Variants in FAAH observed in about 807,000 individuals in gnomAD.
FAAH encodes the protein fatty-acid amide hydrolase 1.
Under a neutral mutation model 69.7 loss-of-function variants are expected in FAAH, and 63 were observed. The observed-to-expected ratio is 0.90, with a 90% CI of 0.74 to 1.12. The LOEUF is 1.12. FAAH is among the 50% of genes most tolerant of loss of function. The pLI is 0.00. For missense variants in FAAH, 680 were observed against 755.0 expected (o/e 0.90, Z 1.16); for synonymous variants, 305 against 324.2 (o/e 0.94, Z 0.64).
chr1:46,405,703 C>A lies in FAAH; in HGVS notation c.694C>A (p.Leu232Met). The A allele has an allele frequency of 1.2e-6, 2 of 1,613,600 alleles. No individual in the cohort carries two copies. Among genetic ancestry groups the A allele is most frequent in the African/African-American group, 1.3e-5 (1 of 75,070 alleles). The change falls in exon 5 of 15, where the codon CTG (leucine) becomes ATG (methionine). Residue 232 changes from leucine (L) to methionine (M), a missense_variant. Coordinates refer to ENST00000243167, the MANE Select transcript of FAAH (RefSeq NM_001441.3). The surrounding 1 kb of genome is among the most constrained non-coding windows in gnomAD (Gnocchi z 4.1). ...CCTCATCGGGTCTGGAGGCTCCCCC[C>A]TGGGCTTAGGCACTGATATCGGAGG... ...GALIGSGGSP[L>M]GLGTDIGGSI...
At position 46,410,399 on chromosome 1, in the gene FAAH, A is replaced by G. The variant is rs902695411; in HGVS notation, c.1177A>G (p.Lys393Glu). Reference sequence around the variant, plus strand: ...TGGACCGAGCATTTTGTTTCCCAGCAAAGGTGATTTCGTGGACCCCTGCCT... The same window carrying G: ...TGGACCGAGCATTTTGTTTCCCAGCGAAGGTGATTTCGTGGACCCCTGCCT... Reference protein sequence around the residue: ...DGGHTFLQNFKGDFVDPCLGD... With the variant: ...DGGHTFLQNFEGDFVDPCLGD... Residue 393 changes from lysine (K) to glutamate (E), a missense_variant and splice_region_variant, in exon 10 of 15, where the codon AAA becomes GAA. By Grantham distance (56) the Lys-to-Glu change is moderately conservative. Coordinates refer to ENST00000243167, the MANE Select transcript of FAAH (RefSeq NM_001441.3). The surrounding 1 kb of genome is among the most constrained non-coding windows in gnomAD (Gnocchi z 4.9). The G allele has an allele frequency of 6.2e-7, 1 of 1,613,798 alleles. No individual in the cohort carries two copies. The highest frequency in any genetic ancestry group is 8.5e-7 in the Non-Finnish European group (1 of 1,179,816).
intron 13 of FAAH, 91 bp from the exon 14 acceptor site, chr1:46,412,984 A>T: frequency 6.8e-7 from 1 of 1,473,326 alleles, no homozygotes; most frequent in Middle Eastern, 1.7e-4. Flanking sequence ...CTGTAGACAC[A>T]GGGTGCCATT....
intron 13 of FAAH, 70 bp downstream of exon 13, chr1:46,412,321 G>A: frequency 2.3e-6 from 3 of 1,322,380 alleles, no homozygotes; most frequent in East Asian, 2.5e-5. Flanking sequence ...GCGAGGAAAT[G>A]GAAGAAGAGC....
Position 46,413,616 on chromosome 1 carries a change from A to G in FAAH, c.*41A>G. ...AGGACCTGAGACTCACACTCTCTGC[A>G]GCCCAGCCTAGTCAGGGCACAGCTG... is the stretch of plus-strand genomic sequence containing the variant. On this transcript the variant is annotated 3_prime_UTR_variant, in exon 15 of 15. Transcript: ENST00000243167. 1 of 1,613,594 alleles carries G rather than the reference A, an allele frequency of 6.2e-7. No homozygotes were observed. The highest frequency in any genetic ancestry group is 8.5e-7 in the Non-Finnish European group (1 of 1,179,764).
rs1481770558 is a variant in FAAH, at chr1:46,405,351, G to A, written c.445-21G>A. On this transcript the variant is annotated intron_variant, in intron 3 of 14. Coordinates refer to ENST00000243167, the MANE Select transcript of FAAH (RefSeq NM_001441.3). The surrounding 1 kb of genome is among the most constrained non-coding windows in gnomAD (Gnocchi z 4.1). ...CACGGGCCCTGACTCACTCCCTTCT[G>A]GTGCCCATCCCTCCTCCCAGGGCCA... 6.2e-7 allele frequency: 1 copy of A among 1,607,988 alleles called. No homozygotes were observed. Among genetic ancestry groups the A allele is most frequent in the South Asian group, 1.1e-5 (1 of 91,064 alleles).
At chr1:46,398,596 C>A (rs1247163833) in intron 1 of FAAH, among the ~76,000 whole-genome samples, 1 of 150,780 alleles carries the variant, frequency 6.6e-6, no homozygotes, top group Non-Finnish European at 1.5e-5. Context: ...TGTAGTGGCT[C>A]AATCTTGGCT....
rs777800689 is a variant in FAAH, at chr1:46,406,231, C to T, written c.827-13C>T. On this transcript the variant is annotated splice_polypyrimidine_tract_variant and intron_variant, in intron 6 of 14. Transcript: ENST00000243167. ...CCTTGTCTGCTTACCTCCCTCACCT[C>T]TCTGCCCCACAGTGCGTCTCTCCGT... 1.2e-6 allele frequency: 2 copies of T among 1,614,076 alleles called. No homozygotes were observed. Among genetic ancestry groups the T allele is most frequent in the Admixed American group, 1.7e-5 (1 of 60,028 alleles).
intron 9 of FAAH, among the ~76,000 whole-genome samples, chr1:46,409,872 C>T (rs545986370): frequency 6.6e-6 from 1 of 152,300 alleles, no homozygotes; most frequent in East Asian, 1.9e-4. Flanking sequence ...GTCAAGGGCC[C>T]AGCCTGTCAT....
chr1:46,411,781 A>ACTCC lies in FAAH; in HGVS notation c.1356+133_1356+136dup. Reference sequence around the variant, plus strand: ...TAGACTGGCCTGTCATCCCCCTTCCACTCCCTGGACCACCACTTGGGCCCA... The same window carrying ACTCC: ...TAGACTGGCCTGTCATCCCCCTTCCACTCCCTCCCTGGACCACCACTTGGGCCCA... On this transcript the variant is annotated intron_variant, in intron 12 of 14. Transcript: ENST00000243167. This position sits in a 1 kb window ranked among gnomAD's most constrained non-coding sequence, Gnocchi z 4.8. 9.9e-7 allele frequency: 1 copy of ACTCC among 1,007,910 alleles called. No individual in the cohort carries two copies. The highest frequency in any genetic ancestry group is 1.5e-6 in the Non-Finnish European group (1 of 663,574). 62.4% of individuals were successfully genotyped at this position (1,007,910 alleles called of 1,614,324 possible).
chr1:46,411,627 C>G lies in FAAH; in HGVS notation c.1332C>G (p.Leu444=). The G allele has an allele frequency of 6.2e-7, 1 of 1,613,992 alleles. No individual in the cohort carries two copies. Among genetic ancestry groups the G allele is most frequent in the Non-Finnish European group, 8.5e-7 (1 of 1,179,998 alleles). ...TTCTGCCCAGTTCGGCTGGAAAACT[C>G]TGGGAACTGCAGCACGAGATCGAGG... ...SNMKSRSAGK[L]WELQHEIEVY... Residue 444 remains leucine, a synonymous_variant, in exon 12 of 15, where the codon CTC becomes CTG. Transcript: ENST00000243167. The surrounding 1 kb of genome is among the most constrained non-coding windows in gnomAD (Gnocchi z 4.8).
Position 46,410,911 on chromosome 1 carries a change from G to A in FAAH, c.1316+57G>A, listed in dbSNP as rs758155627. ...CCTGCCTGTCCTGATCCGAGTCTGG[G>A]TCTGGGTAGTTTCTGACAGGAAAGG... On this transcript the variant is annotated intron_variant, in intron 11 of 14. Transcript: ENST00000243167. This position sits in a 1 kb window ranked among gnomAD's most constrained non-coding sequence, Gnocchi z 4.9. 1.9e-6 allele frequency: 3 copies of A among 1,605,220 alleles called. No individual in the cohort carries two copies. Among genetic ancestry groups the A allele is most frequent in the East Asian group, 2.2e-5 (1 of 44,878 alleles).
At chr1:46,407,592 G>C (rs1299548058) in intron 7 of FAAH, among the ~76,000 whole-genome samples, 2 of 151,826 alleles carry the variant, frequency 1.3e-5, no homozygotes, top group African/African-American at 2.4e-5. Context: ...TCTGGTCCTG[G>C]TACTCTCTCT....
At chr1:46,406,643 C>T (rs1664803366) in intron 7 of FAAH, among the ~76,000 whole-genome samples, 1 of 141,124 alleles carries the variant, frequency 7.1e-6, no homozygotes, top group African/African-American at 2.7e-5. Flanking sequence ...AGTGCAGTGG[C>T]GCGATCTCGG....
In FAAH at chr1:46,413,608, C is replaced by T. The variant is rs201774952; in HGVS notation, c.*33C>T. The T allele has an allele frequency of 2.7e-5, 44 of 1,613,720 alleles. No individual in the cohort carries two copies. Among genetic ancestry groups the T allele is most frequent in the Admixed American group, 1.5e-4 (9 of 60,004 alleles). ...GGCTCCAGAGGACCTGAGACTCACA[C>T]TCTCTGCAGCCCAGCCTAGTCAGGG... On this transcript the variant is annotated 3_prime_UTR_variant, in exon 15 of 15. Transcript: ENST00000243167.
intron 1 of FAAH, among the ~76,000 whole-genome samples, chr1:46,397,917 G>A (rs1664626973): frequency 6.6e-6 from 1 of 151,140 alleles, no homozygotes; most frequent in Admixed American, 6.6e-5. Context: ...ATGTTGGCCA[G>A]GCTAGTCTTG....
At chr1:46,400,654 G>T (rs1287839292) in intron 1 of FAAH, among the ~76,000 whole-genome samples, 1 of 149,548 alleles carries the variant, frequency 6.7e-6, no homozygotes, top group South Asian at 2.1e-4. Context: ...GGCAGGTGAT[G>T]AGCTTAGAGG....
intron 14 of FAAH, 109 bp downstream of exon 14, chr1:46,413,329 C>A (rs1034761904): frequency 1.9e-6 from 3 of 1,609,112 alleles, no homozygotes; most frequent in African/African-American, 2.7e-5. Flanking sequence ...TTAAGCAAGA[C>A]CTGAAGGACT....
Position 46,410,680 on chromosome 1 carries a change from A to C in FAAH, c.1276-134A>C, listed in dbSNP as rs1191928922. 1 of 1,205,552 alleles carries C rather than the reference A, an allele frequency of 8.3e-7. No homozygotes were observed. The highest frequency in any genetic ancestry group is 1.7e-5 in the Admixed American group (1 of 58,288). 74.7% of individuals were successfully genotyped at this position (1,205,552 alleles called of 1,614,324 possible). A position where few individuals can be genotyped will look rare whatever the true frequency, so the allele number is the denominator to read the frequency against. On this transcript the variant is annotated intron_variant, in intron 10 of 14. Coordinates refer to ENST00000243167, the MANE Select transcript of FAAH (RefSeq NM_001441.3). The surrounding 1 kb of genome is among the most constrained non-coding windows in gnomAD (Gnocchi z 4.9). ...CCCCTGCGATCTTCAGCCAACCCGC[A>C]TGCTGAAAGGGGTGCCGACCTGGGC...
intron 1 of FAAH, among the ~76,000 whole-genome samples, chr1:46,396,727 G>A (rs1018556572): frequency 3.3e-5 from 5 of 152,194 alleles, no homozygotes; most frequent in African/African-American, 1.2e-4. Context: ...TAGGTTTACA[G>A]ATTACCAGCA....
Sources: allele counts gnomAD v4.1 joint callset (sites outside exome capture counted in the v4.1 genomes callset), GRCh38; gene constraint gnomAD v4.1.1; non-coding constraint Gnocchi (gnomAD v3.1); transcripts MANE v1.5; gene names NCBI Gene and HGNC (gene_info 2026-07-23, HGNC 2026-07-21).